The following MCTP1 variants were observed in gnomAD, a reference collection of about 807,000 sequenced individuals.
MCTP1 encodes the protein multiple C2 and transmembrane domain containing 1, also known as multiple C2 and transmembrane domain-containing protein 1.
MCTP1 carries 69 observed loss-of-function variants against 120.6 expected under a neutral mutation model. The observed-to-expected ratio is 0.57, with a 90% CI of 0.47 to 0.70. The LOEUF is 0.70. Ranked by LOEUF, MCTP1 falls within the 30% of genes least tolerant of loss-of-function variation. MCTP1 has a pLI of 0.00. For synonymous variants in MCTP1, 529 were observed against 493.1 expected (o/e 1.07, Z -0.96); for missense variants, 1,203 against 1,248.8 (o/e 0.96, Z 0.55).
intron 1 of MCTP1, among the ~76,000 whole-genome samples, chr5:95,087,763 CCT>C (rs1755541415): frequency 6.6e-6 from 1 of 152,088 alleles, no homozygotes; most frequent in African/African-American, 2.4e-5. Context: ...TGTGGCTCTG[CCT>C]CTCTCATTTC....
chr5:95,105,642 A>C (rs1229312063), intron 1 of MCTP1, among the ~76,000 whole-genome samples: 1 of 152,124 alleles, frequency 6.6e-6, no homozygotes, highest in African/African-American at 2.4e-5. Flanking sequence ...GGAATGGAAC[A>C]TGCAGAGAAG....
chr5:94,799,255 G>T, intron 17 of MCTP1, 123 bp from the exon 18 acceptor site: 1 of 866,710 alleles, frequency 1.2e-6, no homozygotes, highest in Non-Finnish European at 1.7e-6. Flanking sequence ...GATTTATCTT[G>T]AAAACAAAGC....
intron 1 of MCTP1, among the ~76,000 whole-genome samples, chr5:95,202,784 G>A (rs1751213557): frequency 6.6e-6 from 1 of 152,026 alleles, no homozygotes; most frequent in Non-Finnish European, 1.5e-5. Context: ...CTGGAGTGCA[G>A]TGGTGTAATC....
At chr5:95,101,072 C>T (rs1756685462) in intron 1 of MCTP1, among the ~76,000 whole-genome samples, 1 of 151,514 alleles carries the variant, frequency 6.6e-6, no homozygotes, top group Admixed American at 6.5e-5. Flanking sequence ...CCTGAGCAGG[C>T]TCTAATTAGA....
chr5:95,202,053 T>A (rs760451669), intron 1 of MCTP1, among the ~76,000 whole-genome samples: 16 of 152,132 alleles, frequency 1.1e-4, no homozygotes, highest in Non-Finnish European at 1.8e-4. Flanking sequence ...TCTAGGTTTG[T>A]CTGTGAAGGT....
At chr5:95,026,290 T>C (rs1839245405) in intron 1 of MCTP1, among the ~76,000 whole-genome samples, 1 of 152,156 alleles carries the variant, frequency 6.6e-6, no homozygotes, top group Non-Finnish European at 1.5e-5. Flanking sequence ...CCCTTTGCGT[T>C]ACATACAATC....
At chr5:94,865,882 T>C (rs559487330) in intron 17 of MCTP1, among the ~76,000 whole-genome samples, 1 of 152,070 alleles carries the variant, frequency 6.6e-6, no homozygotes, top group African/African-American at 2.4e-5. Context: ...GTTGGGAATA[T>C]GAAATTCGCT....
At chr5:95,136,167 C>G (rs532476047) in intron 1 of MCTP1, among the ~76,000 whole-genome samples, 4 of 152,202 alleles carry the variant, frequency 2.6e-5, no homozygotes. Context: ...TCCCTTCTCC[C>G]TCTCTTCAAC....
At chr5:94,995,525 C>G (rs906785285) in intron 2 of MCTP1, among the ~76,000 whole-genome samples, 2 of 152,184 alleles carry the variant, frequency 1.3e-5, no homozygotes, top group Non-Finnish European at 2.9e-5. Flanking sequence ...AAGTGAGACT[C>G]TCCTTGCAGA....
At chr5:95,234,090 T>G (rs1207003895) in intron 1 of MCTP1, among the ~76,000 whole-genome samples, 1 of 151,938 alleles carries the variant, frequency 6.6e-6, no homozygotes, top group Non-Finnish European at 1.5e-5. Context: ...GGAAAGAATA[T>G]TTTTATATTT....
intron 1 of MCTP1, among the ~76,000 whole-genome samples, chr5:95,072,997 G>A (rs1388711198): frequency 1.3e-5 from 2 of 151,948 alleles, no homozygotes; most frequent in Non-Finnish European, 2.9e-5. Context: ...CGTTCGCCTT[G>A]GCCTCCCAAA....
At chr5:94,970,569 C>A (rs1365635235) in intron 2 of MCTP1, among the ~76,000 whole-genome samples, 1 of 151,814 alleles carries the variant, frequency 6.6e-6, no homozygotes, top group Non-Finnish European at 1.5e-5. Flanking sequence ...TCATTTTTTC[C>A]AAAGGGCCTT....
At chr5:95,098,907 C>T (rs1194744655) in intron 1 of MCTP1, among the ~76,000 whole-genome samples, 2 of 152,178 alleles carry the variant, frequency 1.3e-5, no homozygotes, top group East Asian at 3.8e-4. Flanking sequence ...CAGCATGGTA[C>T]TGGTACCAAA....
intron 1 of MCTP1, among the ~76,000 whole-genome samples, chr5:95,171,165 T>G (rs1747228853): frequency 6.6e-6 from 1 of 152,214 alleles, no homozygotes; most frequent in South Asian, 2.1e-4. Flanking sequence ...CTCCTTCACT[T>G]ATGAAGCTTA....
intron 17 of MCTP1, among the ~76,000 whole-genome samples, chr5:94,836,202 A>G (rs1163383783): frequency 6.6e-6 from 1 of 151,238 alleles, no homozygotes; most frequent in South Asian, 2.1e-4. Flanking sequence ...AAAAAAAAAA[A>G]AAAACCAAAG....
intron 12 of MCTP1, among the ~76,000 whole-genome samples, chr5:94,882,093 A>G (rs576577192): frequency 1.3e-5 from 2 of 152,334 alleles, no homozygotes; most frequent in East Asian, 3.9e-4. Context: ...TTTAGTACCC[A>G]GGAAAGACTT....
intron 19 of MCTP1, among the ~76,000 whole-genome samples, chr5:94,777,359 G>T (rs1360106152): frequency 2.6e-5 from 4 of 152,146 alleles, no homozygotes; most frequent in Admixed American, 1.3e-4. Flanking sequence ...TTGGTGAGCT[G>T]GTTAACCAGG....
chr5:95,270,755 C>A (rs1376879020), intron 1 of MCTP1, among the ~76,000 whole-genome samples: 1 of 152,048 alleles, frequency 6.6e-6, no homozygotes, highest in Non-Finnish European at 1.5e-5. Context: ...CATGGTGAAA[C>A]CCCATCTTTA....
intron 2 of MCTP1, among the ~76,000 whole-genome samples, chr5:94,982,702 A>T (rs1438541276): frequency 6.6e-6 from 1 of 151,954 alleles, no homozygotes; most frequent in Admixed American, 6.6e-5. Flanking sequence ...CAGCCTGGCC[A>T]ACAGGGCAAA....
Sources: gnomAD v4.1 joint callset for allele counts (sites outside exome capture counted in the v4.1 genomes callset) on GRCh38, gnomAD v4.1.1 for gene constraint, MANE v1.5 for transcripts, NCBI Gene and HGNC (gene_info 2026-07-23, HGNC 2026-07-21) for gene names.